The following RAB27B variants were observed in gnomAD, a reference collection of about 807,000 sequenced individuals.
The protein encoded by RAB27B is ras-related protein Rab-27B.
Under a neutral mutation model 24.6 loss-of-function variants are expected in RAB27B, and 15 were observed. The observed-to-expected ratio is 0.61, with a 90% CI of 0.41 to 0.94. RAB27B has a LOEUF of 0.94. RAB27B is among the 40% of genes least tolerant of loss of function. The pLI is 0.00. For synonymous variants in RAB27B, 105 were observed against 92.5 expected, an observed-to-expected ratio of 1.14 and a Z score of -0.78; for missense variants, 261 against 266.8, an observed-to-expected ratio of 0.98 and a Z score of 0.15.
At chr18:54,733,248 A>G (rs1040659447) in intron 2 of RAB27B, among the ~76,000 whole-genome samples, 7 of 152,016 alleles carry the variant, frequency 4.6e-5, no homozygotes, top group African/African-American at 1.7e-4. Flanking sequence ...AGGTCTTGCT[A>G]TGTTGCATAG....
At chr18:54,780,379 G>A (rs1327388347) in intron 2 of RAB27B, among the ~76,000 whole-genome samples, 11 of 26,244 alleles carry the variant, frequency 4.2e-4, no homozygotes, top group African/African-American at 1.6e-3. Context: ...TGTCTCCCCC[G>A]TGCTGACTGC....
intron 2 of RAB27B, among the ~76,000 whole-genome samples, chr18:54,770,838 G>A (rs1186712092): frequency 6.6e-6 from 1 of 151,870 alleles, no homozygotes; most frequent in Non-Finnish European, 1.5e-5. Flanking sequence ...TTTTCTGCAG[G>A]TCTTTTTATT....
chr18:54,821,725 T>C (rs1910317008), intron 2 of RAB27B, among the ~76,000 whole-genome samples: 1 of 152,256 alleles, frequency 6.6e-6, no homozygotes, highest in South Asian at 2.1e-4. Context: ...TGTGATTCTT[T>C]GCTATCATCA....
intron 1 of RAB27B, among the ~76,000 whole-genome samples, chr18:54,872,078 C>T (rs1568108492): frequency 6.6e-6 from 1 of 152,020 alleles, no homozygotes; most frequent in African/African-American, 2.4e-5. Context: ...CAGAGCCATG[C>T]AAAATGCCAT....
intron 1 of RAB27B, among the ~76,000 whole-genome samples, chr18:54,874,376 G>A (rs867869460): frequency 1.3e-5 from 2 of 151,996 alleles, no homozygotes; most frequent in East Asian, 1.9e-4. Context: ...GCAAAATTAC[G>A]TTGTATTTTC....
In RAB27B at chr18:54,877,565, A is replaced by C; in HGVS notation, c.-19-2A>C. 3 of 1,497,494 alleles carry C rather than the reference A, an allele frequency of 2.0e-6. No homozygotes were observed. The highest frequency in any genetic ancestry group is 2.7e-6 in the Non-Finnish European group (3 of 1,131,124). The allele number at this position is 1,497,494 out of a possible 1,614,324, so 92.8% of individuals were successfully genotyped here. A position where few individuals can be genotyped will look rare whatever the true frequency, so the allele number is the denominator to read the frequency against. The stretch of plus-strand genomic sequence containing the variant: ...CATACTTGTTTTCCCTCTCCTATAC[A>C]GACCGACCAAGACCATCACTATGAC... On this transcript the variant is annotated splice_acceptor_variant, in intron 1 of 5. Transcript: ENST00000262094. LOFTEE classifies it low-confidence loss of function (5UTR_SPLICE).
At chr18:54,835,747 T>C (rs559741016) in intron 1 of RAB27B, among the ~76,000 whole-genome samples, 8 of 152,142 alleles carry the variant, frequency 5.3e-5, no homozygotes, top group African/African-American at 1.9e-4. Context: ...TAAGATGAAA[T>C]GAGCAACTTT....
In RAB27B at chr18:54,764,574, G is replaced by A. The variant is rs114834115; in HGVS notation, c.-20+46433G>A. 9.1e-3 allele frequency among the ~76,000 whole-genome samples: 1,387 copies of A among 152,236 alleles called. 21 individuals carry two copies. The highest frequency in any genetic ancestry group is 0.032 in the African/African-American group (1,338 of 41,546). On this transcript the variant is annotated intron_variant, in intron 2 of 4. Coordinates refer to the RAB27B transcript ENST00000586570. ...GTAGTTGTCCCTTCCCTATGCCACC[G>A]TTAGGTGACAGAACATCTCCCTTTG...
At chr18:54,844,348 A>G (rs1020774435) in intron 1 of RAB27B, among the ~76,000 whole-genome samples, 12 of 150,572 alleles carry the variant, frequency 8.0e-5, no homozygotes, top group African/African-American at 2.9e-4. Context: ...GAACTAACGT[A>G]CTTTTCATTT....
intron 2 of RAB27B, among the ~76,000 whole-genome samples, chr18:54,820,932 T>C (rs192373715): frequency 6.6e-5 from 10 of 152,320 alleles, no homozygotes; most frequent in East Asian, 3.9e-4. Context: ...GTTGTAGATA[T>C]GCGGCATTAT....
intron 2 of RAB27B, among the ~76,000 whole-genome samples, chr18:54,822,130 C>G (rs1910330210): frequency 6.6e-6 from 1 of 152,092 alleles, no homozygotes; most frequent in Admixed American, 6.5e-5. Flanking sequence ...CAAATTATAC[C>G]TTAAAAAAGA....
At chr18:54,882,756 A>C (rs1384582023) in intron 3 of RAB27B, among the ~76,000 whole-genome samples, 1 of 152,192 alleles carries the variant, frequency 6.6e-6, no homozygotes, top group Admixed American at 6.5e-5. Context: ...CAAAGGGATG[A>C]AGTTGGATAG....
intron 2 of RAB27B, among the ~76,000 whole-genome samples, chr18:54,791,509 G>C (rs1275428049): frequency 1.3e-5 from 2 of 152,156 alleles, no homozygotes; most frequent in South Asian, 2.1e-4. Context: ...AAAAGGTCAA[G>C]GGAGTCCTGG....
chr18:54,766,866 G>A (rs1908379148), intron 2 of RAB27B, among the ~76,000 whole-genome samples: 1 of 152,166 alleles, frequency 6.6e-6, no homozygotes. Flanking sequence ...TGTGAGGTAT[G>A]GAGCTAAGTC....
intron 2 of RAB27B, among the ~76,000 whole-genome samples, chr18:54,795,203 G>GC (rs1238375080): frequency 9.2e-5 from 14 of 152,212 alleles, no homozygotes; most frequent in Middle Eastern, 3.4e-3. Context: ...TATAGCTTGA[G>GC]CCCCCCCACA....
At chr18:54,839,170 T>A (rs974971402) in intron 1 of RAB27B, among the ~76,000 whole-genome samples, 2 of 152,114 alleles carry the variant, frequency 1.3e-5, no homozygotes, top group Non-Finnish European at 2.9e-5. Context: ...AGACTGACAA[T>A]AAGCAACCCC....
At chr18:54,791,677 ACTGGGCCTGCCCATC>A (rs1408846034) in intron 2 of RAB27B, among the ~76,000 whole-genome samples, 1 of 152,176 alleles carries the variant, frequency 6.6e-6, no homozygotes, top group Non-Finnish European at 1.5e-5. Context: ...TTCCAAGACC[ACTGGGCCTGCCCATC>A]CTGGGCCTAT....
intron 3 of RAB27B, among the ~76,000 whole-genome samples, chr18:54,881,875 T>C (rs1429151091): frequency 6.6e-6 from 1 of 152,174 alleles, no homozygotes; most frequent in Non-Finnish European, 1.5e-5. Flanking sequence ...AGTAACTTTG[T>C]CATACGCTCT....
At chr18:54,862,059 G>A (rs200169904) in intron 1 of RAB27B, among the ~76,000 whole-genome samples, 10 of 148,778 alleles carry the variant, frequency 6.7e-5, no homozygotes, top group African/African-American at 9.8e-5. Context: ...AGCATTTAAA[G>A]AAAAAAAAAA....
Sources: gnomAD v4.1 joint callset for allele counts (sites outside exome capture counted in the v4.1 genomes callset) on GRCh38, gnomAD v4.1.1 for gene constraint, MANE v1.5 for transcripts, NCBI Gene and HGNC (gene_info 2026-07-23, HGNC 2026-07-21) for gene names.